The following SH3BP4 variants were observed in gnomAD, a reference collection of about 807,000 sequenced individuals.
SH3BP4 encodes the protein SH3 domain binding protein 4.
In SH3BP4, 33 loss-of-function variants were observed where a neutral mutation model predicts 65.5. The ratio of observed to expected loss-of-function variants is 0.50; its 90% CI spans 0.38 to 0.67. The LOEUF (loss-of-function observed/expected upper bound fraction) is 0.67. Among genes scored for constraint, SH3BP4 ranks in the 30% least tolerant of loss-of-function variants. The probability of loss-of-function intolerance (pLI) is 0.00; values close to 1 mark genes in which losing one functional copy is unlikely to be tolerated. For synonymous variants in SH3BP4, 552 were observed against 545.5 expected (o/e 1.01, Z -0.17); for missense variants, 1,134 against 1,261.4 (o/e 0.90, Z 1.53).
At chr2:235,038,386 TATATATATATATATATATA>T (rs1695518632) in intron 3 of SH3BP4, among the ~76,000 whole-genome samples, 2 of 13,278 alleles carry the variant, frequency 1.5e-4, no homozygotes, top group African/African-American at 1.2e-3. Context: ...CATATATATA[TATATATATATATATATATA>T]TATATATATA....
chr2:235,042,392 G>T lies in SH3BP4; in HGVS notation c.1623G>T (p.Met541Ile). 6.2e-7 allele frequency: 1 copy of T among 1,614,172 alleles called. No homozygotes were observed. The highest frequency in any genetic ancestry group is 8.5e-7 in the Non-Finnish European group (1 of 1,180,024). ...LSRPQDLKVC[M>I]FSNMTNYEVK... ...GGCCCCAGGATCTCAAGGTCTGTAT[G>T]TTTTCCAATATGACGAATTACGAGG... is the stretch of plus-strand genomic sequence containing the variant. Residue 541 changes from methionine to isoleucine, a missense_variant, in exon 4 of 6, where the codon ATG becomes ATT. Transcript: ENST00000392011. This position sits in a 1 kb window ranked among gnomAD's most constrained non-coding sequence, Gnocchi z 7.3.
intron 2 of SH3BP4, among the ~76,000 whole-genome samples, chr2:235,007,337 T>C (rs1433729817): frequency 6.6e-6 from 1 of 152,152 alleles, no homozygotes; most frequent in Non-Finnish European, 1.5e-5. Context: ...CCCCAGATAC[T>C]GACTCTCTGA....
Position 235,045,261 on chromosome 2 carries a change from A to G in SH3BP4, c.2478+2014A>G, listed in dbSNP as rs544225101. 6.6e-6 allele frequency among the ~76,000 whole-genome samples: 1 copy of G among 152,302 alleles called. No homozygotes were observed. Among genetic ancestry groups the G allele is most frequent in the South Asian group, 2.1e-4 (1 of 4,824 alleles). ...ACCTGACAGCATTGCTGAGCCCAGG[A>G]CACTCACCTCGACGTTGCACCAGAG... On this transcript the variant is annotated intron_variant, in intron 4 of 5. Coordinates refer to ENST00000392011, the MANE Select transcript of SH3BP4 (RefSeq NM_014521.3). This position sits in a 1 kb window ranked among gnomAD's most constrained non-coding sequence, Gnocchi z 4.3.
chr2:235,005,879 G>C (rs1269758804), intron 2 of SH3BP4, among the ~76,000 whole-genome samples: 1 of 152,218 alleles, frequency 6.6e-6, no homozygotes, highest in Admixed American at 6.5e-5. Context: ...AGGCAGGCTG[G>C]CTTGGTTGGG....
intron 3 of SH3BP4, among the ~76,000 whole-genome samples, chr2:235,036,740 A>AAAAAATAATAAATAAT (rs146049108): frequency 7.1e-6 from 1 of 141,740 alleles, no homozygotes; most frequent in Non-Finnish European, 1.5e-5. Flanking sequence ...TCTATATAAA[A>AAAAAATAATAAATAAT]AATAATAATA....
At chr2:235,032,017 A>G (rs73126125) in intron 2 of SH3BP4, among the ~76,000 whole-genome samples, 2,985 of 152,350 alleles carry the variant, frequency 0.02, 75 homozygotes, top group African/African-American at 0.052. Flanking sequence ...AGGCAATGCT[A>G]TAGTCATGAG....
chr2:235,016,800 C>T (rs577882924), intron 2 of SH3BP4, among the ~76,000 whole-genome samples: 1 of 152,330 alleles, frequency 6.6e-6, no homozygotes, highest in East Asian at 1.9e-4. Context: ...TGAGCCACCT[C>T]AACTCATCTT....
intron 1 of SH3BP4, among the ~76,000 whole-genome samples, chr2:234,985,586 C>T (rs1225275183): frequency 1.3e-5 from 2 of 151,960 alleles, no homozygotes; most frequent in Non-Finnish European, 2.9e-5. Context: ...CATTTTGACT[C>T]TCCGCGCACA....
intron 1 of SH3BP4, among the ~76,000 whole-genome samples, chr2:234,972,747 T>C (rs1693037401): frequency 6.6e-6 from 1 of 151,978 alleles, no homozygotes; most frequent in Admixed American, 6.6e-5. Context: ...AAAGCTCAAG[T>C]GAATTGTTTT....
At chr2:234,999,062 G>T (rs1694018216) in intron 2 of SH3BP4, among the ~76,000 whole-genome samples, 1 of 152,218 alleles carries the variant, frequency 6.6e-6, no homozygotes, top group Non-Finnish European at 1.5e-5. Context: ...CGTCCGCAGG[G>T]CCTCAGTGAA....
rs1335961194 is a variant in SH3BP4 at position 234,952,199 on chromosome 2, G to A, written c.-207+29G>A. On this transcript the variant is annotated intron_variant, in intron 1 of 5. Transcript: ENST00000392011. This position sits in a 1 kb window ranked among gnomAD's most constrained non-coding sequence, Gnocchi z 6.5. ...GGCAGGCGGCGGCGGGGAGCGCCTC[G>A]GGCGGCAGGGCCCTGGGGGCCGGCG... 6.7e-6 allele frequency: 1 copy of A among 149,980 alleles called. No individual in the cohort carries two copies. Among genetic ancestry groups the A allele is most frequent in the Non-Finnish European group, 1.5e-5 (1 of 66,956 alleles). The allele number at this position is 149,980 out of a possible 1,614,324, so 9.3% of individuals were successfully genotyped here.
At chr2:235,038,349 T>TATATATAATATATA (rs1559254445) in intron 3 of SH3BP4, among the ~76,000 whole-genome samples, 1 of 12,598 alleles carries the variant, frequency 7.9e-5, no homozygotes, top group African/African-American at 2.1e-4. Context: ...GTATATATAT[T>TATATATAATATATA]TTATATATAT....
rs1295623709 is a variant in SH3BP4 at position 234,997,799 on chromosome 2, CATTCAA to C, written c.-133+2424_-133+2429del. Reference sequence around the variant, plus strand: ...GAGTACTCAGAAACCCAGAATACTTCATTCAAGTTCAAGTTCAGAGGGTGATTAAGA... The same window carrying C: ...GAGTACTCAGAAACCCAGAATACTTCGTTCAAGTTCAGAGGGTGATTAAGA... On this transcript the variant is annotated intron_variant, in intron 2 of 5. Coordinates refer to ENST00000392011, the MANE Select transcript of SH3BP4 (RefSeq NM_014521.3). This position sits in a 1 kb window ranked among gnomAD's most constrained non-coding sequence, Gnocchi z 4.2. Among the ~76,000 whole-genome samples the C allele has an allele frequency of 6.6e-6, 1 of 152,168 alleles. No homozygotes were observed. Among genetic ancestry groups the C allele is most frequent in the African/African-American group, 2.4e-5 (1 of 41,434 alleles).
At chr2:235,006,042 C>T (rs1178255911) in intron 2 of SH3BP4, among the ~76,000 whole-genome samples, 1 of 152,086 alleles carries the variant, frequency 6.6e-6, no homozygotes, top group African/African-American at 2.4e-5. Context: ...CTGGCCCCAG[C>T]CACTAATCCT....
chr2:235,015,453 G>A (rs1694660514), intron 2 of SH3BP4, among the ~76,000 whole-genome samples: 1 of 152,200 alleles, frequency 6.6e-6, no homozygotes, highest in Non-Finnish European at 1.5e-5. Context: ...TATGGTCGAT[G>A]GGGACAGTGA....
Position 235,041,028 on chromosome 2 carries a change from A to G in SH3BP4, c.259A>G (p.Thr87Ala). The G allele has an allele frequency of 6.2e-7, 1 of 1,614,184 alleles. No individual in the cohort carries two copies. The highest frequency in any genetic ancestry group is 8.5e-7 in the Non-Finnish European group (1 of 1,180,036). The part of the protein sequence containing the change: ...SKGDHLYVLD[T>A]SGGEWWYAHN... Reference sequence around the variant, plus strand: ...GGGCGACCATCTCTACGTCTTGGACACATCTGGCGGTGAGTGGTGGTACGC... The same window carrying G: ...GGGCGACCATCTCTACGTCTTGGACGCATCTGGCGGTGAGTGGTGGTACGC... The change falls in exon 4 of 6, where the codon ACA becomes GCA. Residue 87 changes from threonine (T) to alanine (A), a missense_variant. Coordinates refer to ENST00000392011, the MANE Select transcript of SH3BP4 (RefSeq NM_014521.3). The surrounding 1 kb of genome is among the most constrained non-coding windows in gnomAD (Gnocchi z 6.0).
chr2:235,043,928 T>A (rs1402228753), intron 4 of SH3BP4, among the ~76,000 whole-genome samples: 1 of 152,244 alleles, frequency 6.6e-6, no homozygotes, highest in Non-Finnish European at 1.5e-5. Flanking sequence ...TCCAGTTACT[T>A]TTCCCACCGA....
chr2:235,053,482 C>A, intron 5 of SH3BP4, 110 bp from the exon 6 acceptor site: 1 of 778,272 alleles, frequency 1.3e-6, no homozygotes, highest in Non-Finnish European at 2.1e-6. Context: ...AAAGAGTGTC[C>A]CAAATAGTGA....
chr2:234,990,769 A>T (rs946953095), intron 1 of SH3BP4, among the ~76,000 whole-genome samples: 2 of 152,188 alleles, frequency 1.3e-5, no homozygotes, highest in Admixed American at 6.5e-5. Context: ...GTGGAAAAGG[A>T]TTGTCTTACA....
Sources: allele counts gnomAD v4.1 joint callset (sites outside exome capture counted in the v4.1 genomes callset), GRCh38; gene constraint gnomAD v4.1.1; non-coding constraint Gnocchi (gnomAD v3.1); transcripts MANE v1.5; gene names NCBI Gene and HGNC (gene_info 2026-07-23, HGNC 2026-07-21).